CLSTN2: variants seen among roughly 807,000 people sequenced by gnomAD.
CLSTN2 encodes the protein calsyntenin-2.
A neutral mutation model predicts 101.2 loss-of-function variants in CLSTN2; 48 were observed. The ratio of observed to expected loss-of-function variants is 0.47; its 90% confidence interval spans 0.38 to 0.60. The LOEUF is 0.60. Among genes scored for constraint, CLSTN2 ranks in the 20% least tolerant of loss-of-function variants. The pLI, the probability that CLSTN2 is intolerant of heterozygous loss-of-function variation, is 0.00. For missense variants in CLSTN2, 1,160 were observed against 1,238.2 expected (o/e 0.94, Z 0.95); for synonymous variants, 481 against 463.6 (o/e 1.04, Z -0.48).
intron 1 of CLSTN2, among the ~76,000 whole-genome samples, chr3:140,134,697 G>A: frequency 6.6e-6 from 1 of 152,036 alleles, no homozygotes; most frequent in East Asian, 1.9e-4. Flanking sequence ...CAGCATAGAG[G>A]CCACCAGGCA....
chr3:140,481,640 G>C (rs1172005502), intron 8 of CLSTN2, among the ~76,000 whole-genome samples: 1 of 152,116 alleles, frequency 6.6e-6, no homozygotes, highest in Admixed American at 6.6e-5. Flanking sequence ...GTGGTTTGTA[G>C]TTCTCCTTGA....
intron 8 of CLSTN2, among the ~76,000 whole-genome samples, chr3:140,479,432 C>G (rs558895759): frequency 1.3e-5 from 2 of 152,126 alleles, no homozygotes; most frequent in Non-Finnish European, 2.9e-5. Flanking sequence ...TCCATAATAT[C>G]CAGTGTGCAA....
chr3:140,427,616 T>C (rs529393535), intron 5 of CLSTN2, among the ~76,000 whole-genome samples: 1 of 152,066 alleles, frequency 6.6e-6, no homozygotes, highest in East Asian at 1.9e-4. Flanking sequence ...ATGGATCTCA[T>C]TACACGTAGA....
chr3:140,232,554 A>T (rs2086379923), intron 2 of CLSTN2, among the ~76,000 whole-genome samples: 2 of 152,096 alleles, frequency 1.3e-5, no homozygotes, highest in Non-Finnish European at 1.5e-5. Context: ...CTGATGTTCC[A>T]AATCCCAACC....
At chr3:140,423,320 G>A (rs1006603716) in intron 5 of CLSTN2, among the ~76,000 whole-genome samples, 1 of 152,216 alleles carries the variant, frequency 6.6e-6, no homozygotes, top group African/African-American at 2.4e-5. Flanking sequence ...GGCAAGGCCG[G>A]TGCCCATCTG....
In CLSTN2 at chr3:140,466,580, C is replaced by T. The variant is rs1194393053; in HGVS notation, c.1223-30C>T. On this transcript the variant is annotated intron_variant, in intron 7 of 16. Transcript: ENST00000458420. ...GTGGAGGCTGACACAGGGGTTCTCT[C>T]ACTCTTCAAACCTTCTTTCTGCTTT... 15 of 1,613,856 alleles carry T rather than the reference C, an allele frequency of 9.3e-6. No individual in the cohort carries two copies. In the Middle Eastern group the frequency reaches 5.0e-4, roughly 53 times the overall value.
intron 1 of CLSTN2, among the ~76,000 whole-genome samples, chr3:140,000,760 CT>C (rs1444087913): frequency 6.6e-6 from 1 of 152,136 alleles, no homozygotes; most frequent in African/African-American, 2.4e-5. Flanking sequence ...TCATCTTGCT[CT>C]TCTCTGGCCT....
intron 2 of CLSTN2, among the ~76,000 whole-genome samples, chr3:140,217,197 G>A (rs970449743): frequency 2.0e-5 from 3 of 152,040 alleles, no homozygotes; most frequent in Admixed American, 6.6e-5. Flanking sequence ...GCTGAGGGTC[G>A]GTTACATCTA....
At chr3:140,546,780 G>A (rs1157526277) in intron 10 of CLSTN2, 99 bp downstream of exon 10, 13 of 1,178,214 alleles carry the variant, frequency 1.1e-5, no homozygotes, top group African/African-American at 3.1e-5. Flanking sequence ...TTCCTGGAAC[G>A]TTACACAGAA....
chr3:140,392,768 G>A (rs974376345), intron 2 of CLSTN2, among the ~76,000 whole-genome samples: 1 of 152,094 alleles, frequency 6.6e-6, no homozygotes, highest in African/African-American at 2.4e-5. Flanking sequence ...TTAAAAAGTA[G>A]ATGGTGTCTT....
chr3:140,055,306 C>T (rs1428915808), intron 1 of CLSTN2, among the ~76,000 whole-genome samples: 1 of 152,196 alleles, frequency 6.6e-6, no homozygotes, highest in African/African-American at 2.4e-5. Context: ...AGGATTTTCA[C>T]CTGATTTTGA....
At chr3:140,373,596 C>A (rs147628005) in intron 2 of CLSTN2, among the ~76,000 whole-genome samples, 4 of 152,146 alleles carry the variant, frequency 2.6e-5, no homozygotes, top group African/African-American at 9.7e-5. Flanking sequence ...GTGCAGAGAC[C>A]GTCTTTAAGA....
rs531437013 is a variant in CLSTN2 at position 140,046,279 on chromosome 3, G to T, written c.109+110796G>T. 3.1e-3 allele frequency among the ~76,000 whole-genome samples: 478 copies of T among 152,176 alleles called. 2 individuals carry two copies. The highest frequency in any genetic ancestry group is 0.011 in the African/African-American group (455 of 41,518). On this transcript the variant is annotated intron_variant, in intron 1 of 16. Coordinates refer to ENST00000458420, the MANE Select transcript of CLSTN2 (RefSeq NM_022131.3). ...TTACCATTATGTAATGGCCTTCTTT[G>T]TCTCTTTTGATCTTTGTTGGTTTAA...
intron 1 of CLSTN2, among the ~76,000 whole-genome samples, chr3:140,091,130 C>T (rs991754451): frequency 1.3e-5 from 2 of 152,070 alleles, no homozygotes; most frequent in African/African-American, 4.8e-5. Context: ...ATGACCCCAA[C>T]CTCATGAAGC....
intron 1 of CLSTN2, among the ~76,000 whole-genome samples, chr3:139,948,254 A>C (rs1431809995): frequency 6.6e-6 from 1 of 152,078 alleles, no homozygotes; most frequent in African/African-American, 2.4e-5. Context: ...CTAGCTTTAC[A>C]ATTTGTGTTT....
chr3:140,077,694 A>G (rs1280398917), intron 1 of CLSTN2, among the ~76,000 whole-genome samples: 1 of 151,944 alleles, frequency 6.6e-6, no homozygotes, highest in African/African-American at 2.4e-5. Flanking sequence ...AGGGGAGGAA[A>G]AAAAAAAAAC....
At chr3:140,270,030 T>C (rs2086727811) in intron 2 of CLSTN2, among the ~76,000 whole-genome samples, 1 of 152,210 alleles carries the variant, frequency 6.6e-6, no homozygotes, top group Non-Finnish European at 1.5e-5. Flanking sequence ...GGCTCCCATC[T>C]TTAAAGACAG....
chr3:140,132,238 A>G (rs556797484), intron 1 of CLSTN2, among the ~76,000 whole-genome samples: 31 of 152,314 alleles, frequency 2.0e-4, no homozygotes, highest in African/African-American at 6.0e-4. Flanking sequence ...TCTGATTTCT[A>G]TGATTTTACT....
At chr3:140,546,249 C>T (rs1409727729) in intron 9 of CLSTN2, among the ~76,000 whole-genome samples, 1 of 152,208 alleles carries the variant, frequency 6.6e-6, no homozygotes, top group Non-Finnish European at 1.5e-5. Context: ...CCTCCAGTCT[C>T]CTAAGACAGT....
Sources: allele counts gnomAD v4.1 joint callset (sites outside exome capture counted in the v4.1 genomes callset), GRCh38; gene constraint gnomAD v4.1.1; transcripts MANE v1.5; gene names NCBI Gene and HGNC (gene_info 2026-07-23, HGNC 2026-07-21).